The following DPY19L4 variants were observed in gnomAD, a reference collection of about 807,000 sequenced individuals.
DPY19L4 encodes the protein dpy-19 like 4, also known as probable C-mannosyltransferase DPY19L4.
In DPY19L4, 97 loss-of-function variants were observed where a neutral mutation model predicts 102.8. The ratio of observed to expected loss-of-function variants is 0.94; its 90% CI spans 0.80 to 1.12. The LOEUF is 1.12. DPY19L4 is among the 50% of genes most tolerant of loss of function. The pLI, the probability that DPY19L4 is intolerant of heterozygous loss-of-function variation, is 0.00. For missense variants in DPY19L4, 815 were observed against 850.4 expected (o/e 0.96, Z 0.52); for synonymous variants, 252 against 283.1 (o/e 0.89, Z 1.10).
At chr8:94,742,559 ATTT>A (rs34777022) in intron 6 of DPY19L4, among the ~76,000 whole-genome samples, 19 of 115,392 alleles carry the variant, frequency 1.6e-4, no homozygotes, top group African/African-American at 3.1e-4. Flanking sequence ...TGCCTGGCTA[ATTT>A]TTTTTTTTTT....
intron 7 of DPY19L4, among the ~76,000 whole-genome samples, chr8:94,757,922 C>T (rs1395606393): frequency 6.6e-6 from 1 of 151,860 alleles, no homozygotes; most frequent in Non-Finnish European, 1.5e-5. Context: ...ACCAGCCTGG[C>T]CAACATGGTG....
intron 6 of DPY19L4, chr8:94,744,483 A>G (rs1811585235): frequency 2.2e-6 from 1 of 456,736 alleles, no homozygotes; most frequent in South Asian, 1.5e-5. Flanking sequence ...ATATTTTGTC[A>G]GTTGCACAGA....
chr8:94,731,649 C>T (rs927523997), intron 2 of DPY19L4, among the ~76,000 whole-genome samples: 2 of 152,186 alleles, frequency 1.3e-5, no homozygotes, highest in Non-Finnish European at 2.9e-5. Context: ...CTCCCGACCT[C>T]AGGTGATCCG....
chr8:94,787,910 C>A lies in DPY19L4; in HGVS notation c.1865C>A (p.Ser622Ter), dbSNP rs547862125. The change falls in exon 18 of 19, where the codon TCA (serine) becomes TAA (stop). Residue 622 changes from serine (S) to a stop codon, truncating the protein, a stop_gained. Coordinates refer to ENST00000414645, the MANE Select transcript of DPY19L4 (RefSeq NM_181787.3). LOFTEE classifies it high-confidence loss of function. ...KRNENIYQIY[S>*]KRSAEDIYKI... ...TTCTTTCAGATCTACCAAATCTATTCAAAGCGATCTGCTGAGGATATTTAT... is the reference window on the plus strand; with the variant it reads ...TTCTTTCAGATCTACCAAATCTATTAAAAGCGATCTGCTGAGGATATTTAT... 45 of 1,407,164 alleles carry A rather than the reference C, an allele frequency of 3.2e-5. No individual in the cohort carries two copies. Among genetic ancestry groups the A allele is most frequent in the Admixed American group, 2.3e-4 (9 of 38,322 alleles). The allele number at this position is 1,407,164 out of a possible 1,614,324, so 87.2% of individuals were successfully genotyped here. A position where few individuals can be genotyped will look rare whatever the true frequency, so the allele number is the denominator to read the frequency against.
chr8:94,761,907 CTT>C, intron 8 of DPY19L4, 73 bp downstream of exon 8: 1 of 1,464,040 alleles, frequency 6.8e-7, no homozygotes, highest in African/African-American at 1.4e-5. Flanking sequence ...TAAAACCTCT[CTT>C]TTCTTCATCC....
chr8:94,757,119 T>A (rs1249194029), intron 7 of DPY19L4, among the ~76,000 whole-genome samples: 5 of 152,210 alleles, frequency 3.3e-5, no homozygotes, highest in Non-Finnish European at 7.3e-5. Context: ...CCTTTGATAG[T>A]CTTCTTATCT....
At chr8:94,777,590 G>T in intron 13 of DPY19L4, 76 bp from the exon 14 acceptor site, 1 of 1,511,896 alleles carries the variant, frequency 6.6e-7, no homozygotes, top group Non-Finnish European at 8.9e-7. Context: ...TAGTAGGAAA[G>T]AGCTCAGAGA....
At chr8:94,724,061 G>A (rs1315008582) in intron 1 of DPY19L4, among the ~76,000 whole-genome samples, 2 of 152,154 alleles carry the variant, frequency 1.3e-5, no homozygotes, top group Non-Finnish European at 2.9e-5. Flanking sequence ...ATTTGATAAA[G>A]AACATTTTTA....
intron 13 of DPY19L4, among the ~76,000 whole-genome samples, chr8:94,774,039 TAAAAAA>T (rs79751438): frequency 4.9e-5 from 5 of 102,780 alleles, no homozygotes; most frequent in Admixed American, 3.5e-4. Flanking sequence ...TGTCTTTAGT[TAAAAAA>T]AAAAAAAAAA....
Position 94,786,459 on chromosome 8 carries a change from A to C in DPY19L4, c.1849-1435A>C, listed in dbSNP as rs1427805936. On this transcript the variant is annotated intron_variant, in intron 17 of 18. Transcript: ENST00000414645. Reference sequence around the variant, plus strand: ...TTTATTTATTTATTTATTTTTAATTAATTTATTTTTTTGAGATAGAGTCTC... The same window carrying C: ...TTTATTTATTTATTTATTTTTAATTCATTTATTTTTTTGAGATAGAGTCTC... 2.0e-5 allele frequency among the ~76,000 whole-genome samples: 3 copies of C among 150,790 alleles called. No individual in the cohort carries two copies. The South Asian group carries it at 6.3e-4, about 32-fold the overall frequency.
Position 94,739,415 on chromosome 8 carries a change from GT to G in DPY19L4, c.349del (p.Tyr117ThrfsTer3). 1 of 1,574,250 alleles carries G rather than the reference GT, an allele frequency of 6.4e-7. No individual in the cohort carries two copies. The highest frequency in any genetic ancestry group is 8.6e-7 in the Non-Finnish European group (1 of 1,166,052). ...MLKAPSFERG[V>X]YELTHNNKTV... ...GAGAAAAATCTTTCTGTCTTTAGGT[GT>G]TTACGAACTGACACACAATAACAAA... On this transcript the variant is annotated frameshift_variant, in exon 5 of 19. Coordinates refer to ENST00000414645, the MANE Select transcript of DPY19L4 (RefSeq NM_181787.3). LOFTEE classifies it high-confidence loss of function.
At chr8:94,740,107 C>T (rs1811378263) in intron 6 of DPY19L4, among the ~76,000 whole-genome samples, 1 of 152,138 alleles carries the variant, frequency 6.6e-6, no homozygotes, top group African/African-American at 2.4e-5. Context: ...TGCTAGTAGC[C>T]AATGATATTG....
At chr8:94,737,579 T>C (rs1434021683) in intron 3 of DPY19L4, among the ~76,000 whole-genome samples, 2 of 151,342 alleles carry the variant, frequency 1.3e-5, no homozygotes, top group Admixed American at 6.6e-5. Flanking sequence ...GTCAGGAGAT[T>C]GAGACCATCC....
At chr8:94,772,441 T>C (rs1415960868) in intron 13 of DPY19L4, among the ~76,000 whole-genome samples, 1 of 152,098 alleles carries the variant, frequency 6.6e-6, no homozygotes, top group Admixed American at 6.5e-5. Flanking sequence ...AAGACACAGA[T>C]TAAAATCAGC....
At chr8:94,769,417 G>T (rs563875672) in intron 12 of DPY19L4, among the ~76,000 whole-genome samples, 1 of 152,052 alleles carries the variant, frequency 6.6e-6, no homozygotes, top group African/African-American at 2.4e-5. Flanking sequence ...TATAGTTAGA[G>T]ACTTAATATA....
At chr8:94,745,727 T>C (rs1276281989) in intron 6 of DPY19L4, among the ~76,000 whole-genome samples, 1 of 152,170 alleles carries the variant, frequency 6.6e-6, no homozygotes, top group Non-Finnish European at 1.5e-5. Flanking sequence ...GTTTGTTACT[T>C]GGATTTATGT....
chr8:94,785,458 T>C (rs1305715221), intron 17 of DPY19L4, among the ~76,000 whole-genome samples: 1 of 152,158 alleles, frequency 6.6e-6, no homozygotes. Context: ...AAAAGAAATA[T>C]ATATGATTCC....
chr8:94,741,045 C>T (rs1295720279), intron 6 of DPY19L4, among the ~76,000 whole-genome samples: 1 of 152,158 alleles, frequency 6.6e-6, no homozygotes, highest in Non-Finnish European at 1.5e-5. Context: ...CCTTTATCTC[C>T]TGTGTTTCTG....
At chr8:94,721,811 T>G (rs531007564) in intron 1 of DPY19L4, among the ~76,000 whole-genome samples, 1 of 152,364 alleles carries the variant, frequency 6.6e-6, no homozygotes, top group East Asian at 1.9e-4. Context: ...ACTTACGTGA[T>G]GTAAAATGAT....
Sources: allele counts gnomAD v4.1 joint callset (sites outside exome capture counted in the v4.1 genomes callset), GRCh38; gene constraint gnomAD v4.1.1; transcripts MANE v1.5; gene names NCBI Gene and HGNC (gene_info 2026-07-23, HGNC 2026-07-21).